The following DLGAP1 variants were observed in gnomAD, a reference collection of about 807,000 sequenced individuals.
DLGAP1 encodes DLG associated protein 1, also known as disks large-associated protein 1.
Under a neutral mutation model 90.8 loss-of-function variants are expected in DLGAP1, and 11 were observed. The ratio of observed to expected loss-of-function variants is 0.12; its 90% CI spans 0.08 to 0.20. The LOEUF (loss-of-function observed/expected upper bound fraction) is 0.20. DLGAP1 is among the 10% of genes least tolerant of loss of function. DLGAP1 has a pLI of 1.00. For synonymous variants in DLGAP1, 558 were observed against 540.7 expected, an observed-to-expected ratio of 1.03 and a Z score of -0.44; for missense variants, 1,050 against 1,333.8, an observed-to-expected ratio of 0.79 and a Z score of 3.31.
At chr18:4,402,454 C>G (rs1321660371) in intron 1 of DLGAP1, among the ~76,000 whole-genome samples, 1 of 152,036 alleles carries the variant, frequency 6.6e-6, no homozygotes, top group Non-Finnish European at 1.5e-5. Context: ...TTCAAAGTAA[C>G]AAAGAAAATG....
At chr18:4,095,640 T>C (rs750441897) in intron 2 of DLGAP1, among the ~76,000 whole-genome samples, 1 of 151,992 alleles carries the variant, frequency 6.6e-6, no homozygotes, top group Non-Finnish European at 1.5e-5. Flanking sequence ...GAAAGACAGA[T>C]AGGGCTGGTG....
At chr18:4,343,176 A>G (rs565372480) in intron 1 of DLGAP1, among the ~76,000 whole-genome samples, 376 of 151,792 alleles carry the variant, frequency 2.5e-3, no homozygotes, top group African/African-American at 5.9e-3. Context: ...GCGTGGTGGC[A>G]GGCGCCTGTA....
intron 3 of DLGAP1, among the ~76,000 whole-genome samples, chr18:3,936,800 G>T (rs2072652049): frequency 1.3e-5 from 2 of 152,152 alleles, no homozygotes; most frequent in South Asian, 4.1e-4. Flanking sequence ...GGGGTAATGT[G>T]GCAACTGTTA....
rs531658199 is a variant in DLGAP1, at chr18:3,648,295, A to G, written c.1592-66047T>C. On this transcript the variant is annotated intron_variant, in intron 7 of 12. Coordinates refer to ENST00000315677, the MANE Select transcript of DLGAP1 (RefSeq NM_004746.4). ...AAAACCCATAACGTATGCTCTTTCA[A>G]CTTAAAGCATCAATGGATTCAACAA... 2.0e-5 allele frequency among the ~76,000 whole-genome samples: 3 copies of G among 152,360 alleles called. No homozygotes were observed. In the East Asian group the frequency reaches 5.8e-4, roughly 29 times the overall value.
chr18:4,035,328 C>T (rs1420738110), intron 2 of DLGAP1, among the ~76,000 whole-genome samples: 2 of 151,998 alleles, frequency 1.3e-5, no homozygotes, highest in South Asian at 4.2e-4. Context: ...GCCTTAGGGA[C>T]AGAACAAGAC....
At chr18:4,261,373 T>C (rs2078999498) in intron 1 of DLGAP1, among the ~76,000 whole-genome samples, 1 of 152,156 alleles carries the variant, frequency 6.6e-6, no homozygotes, top group Non-Finnish European at 1.5e-5. Flanking sequence ...CTCCCACTTT[T>C]ACTCTATCTT....
intron 4 of DLGAP1, among the ~76,000 whole-genome samples, chr18:3,818,356 T>G (rs1395213615): frequency 3.0e-5 from 4 of 132,098 alleles, no homozygotes; most frequent in Non-Finnish European, 6.4e-5. Flanking sequence ...GTTTTTTTTT[T>G]TTTTTTTTTT....
chr18:4,285,986 G>C (rs2079680171), intron 1 of DLGAP1, among the ~76,000 whole-genome samples: 1 of 152,148 alleles, frequency 6.6e-6, no homozygotes, highest in Admixed American at 6.6e-5. Flanking sequence ...CGGACTGATA[G>C]TAAAATTACC....
chr18:3,686,390 A>G (rs2146958599), intron 7 of DLGAP1, among the ~76,000 whole-genome samples: 1 of 152,290 alleles, frequency 6.6e-6, no homozygotes, highest in Non-Finnish European at 1.5e-5. Flanking sequence ...TGAGAACTGT[A>G]GCAAAGCACA....
chr18:3,772,208 T>TTTC (rs2064614891), intron 5 of DLGAP1, among the ~76,000 whole-genome samples: 1 of 147,120 alleles, frequency 6.8e-6, no homozygotes, highest in African/African-American at 2.5e-5. Context: ...TCTTCTCTCC[T>TTTC]TTTCTTTCTC....
intron 2 of DLGAP1, among the ~76,000 whole-genome samples, chr18:4,140,705 G>C (rs1318226865): frequency 1.3e-5 from 2 of 151,904 alleles, no homozygotes; most frequent in Non-Finnish European, 2.9e-5. Flanking sequence ...ACTCCCTTTA[G>C]CATTTCTTGT....
At chr18:3,757,842 G>A (rs903636251) in intron 5 of DLGAP1, among the ~76,000 whole-genome samples, 2 of 152,140 alleles carry the variant, frequency 1.3e-5, no homozygotes, top group East Asian at 1.9e-4. Context: ...GAGGGTGGAC[G>A]CGGTGGCTGT....
chr18:3,943,888 G>C (rs1314866630), intron 3 of DLGAP1, among the ~76,000 whole-genome samples: 16 of 152,128 alleles, frequency 1.1e-4, no homozygotes, highest in Middle Eastern at 3.2e-3. Flanking sequence ...ACACAGGGAG[G>C]ACCATGTGAG....
At chr18:4,365,562 T>C (rs2081744411) in intron 1 of DLGAP1, among the ~76,000 whole-genome samples, 1 of 152,162 alleles carries the variant, frequency 6.6e-6, no homozygotes, top group Admixed American at 6.5e-5. Flanking sequence ...CTGTATGCAA[T>C]TTATACCTCA....
intron 9 of DLGAP1, among the ~76,000 whole-genome samples, chr18:3,559,588 G>A (rs1024133508): frequency 6.8e-6 from 1 of 147,658 alleles, no homozygotes; most frequent in African/African-American, 2.5e-5. Context: ...TAGAGCCCTA[G>A]AGTTTGCATT....
At chr18:4,092,001 C>T (rs7505930) in intron 2 of DLGAP1, among the ~76,000 whole-genome samples, 92,894 of 151,854 alleles carry the variant, frequency 0.61, 29,016 homozygotes, top group Non-Finnish European at 0.65. Context: ...TGTCTGGAAA[C>T]GGCACACTTC....
intron 4 of DLGAP1, among the ~76,000 whole-genome samples, chr18:3,876,178 G>A (rs1026694792): frequency 5.9e-5 from 9 of 151,582 alleles, no homozygotes; most frequent in African/African-American, 1.9e-4. Context: ...GCACGGGGTG[G>A]CAGATCCTCT....
At chr18:3,989,158 G>T (rs1299041199) in intron 3 of DLGAP1, among the ~76,000 whole-genome samples, 1 of 152,248 alleles carries the variant, frequency 6.6e-6, no homozygotes, top group Admixed American at 6.5e-5. Flanking sequence ...GTTCCCTGGA[G>T]CAGCCTAGCT....
chr18:3,894,965 A>T (rs1351734335), intron 3 of DLGAP1, among the ~76,000 whole-genome samples: 1 of 152,218 alleles, frequency 6.6e-6, no homozygotes, highest in East Asian at 1.9e-4. Context: ...ATGTAAGGGA[A>T]CTATACGAAA....
Sources: allele counts gnomAD v4.1 joint callset (sites outside exome capture counted in the v4.1 genomes callset), GRCh38; gene constraint gnomAD v4.1.1; transcripts MANE v1.5; gene names NCBI Gene and HGNC (gene_info 2026-07-23, HGNC 2026-07-21).